NAA16: variants seen among roughly 807,000 people sequenced by gnomAD.
The protein encoded by NAA16 is N-alpha-acetyltransferase 16, NatA auxiliary subunit, also known as NARG1-like protein.
Under a neutral mutation model 110.3 loss-of-function variants are expected in NAA16, and 97 were observed. The ratio of observed to expected loss-of-function variants is 0.88; its 90% confidence interval spans 0.75 to 1.04. NAA16 has a LOEUF of 1.04. Ranked by LOEUF, NAA16 falls within the 50% of genes least tolerant of loss-of-function variation. The pLI, the probability that NAA16 is intolerant of heterozygous loss-of-function variation, is 0.00. For missense variants in NAA16, 1,017 were observed against 1,005.1 expected (o/e 1.01, Z -0.16); for synonymous variants, 372 against 330.6 (o/e 1.13, Z -1.36).
rs774311872 is a variant in NAA16 at position 41,323,215 on chromosome 13, A to G, written c.537+25A>G. On this transcript the variant is annotated intron_variant, in intron 5 of 19. Coordinates refer to ENST00000379406, the MANE Select transcript of NAA16 (RefSeq NM_024561.5). ...AGTAAGAATTTTAATGTTTCCTTCTACCTTCATAAATGGAGTAGTTGACTT... is the reference window on the plus strand; with the variant it reads ...AGTAAGAATTTTAATGTTTCCTTCTGCCTTCATAAATGGAGTAGTTGACTT... The G allele has an allele frequency of 1.9e-6, 3 of 1,610,090 alleles. No homozygotes were observed. In the Admixed American group the frequency reaches 5.0e-5, roughly 27 times the overall value.
At chr13:41,362,442 A>C in intron 13 of NAA16, 1 of 344,744 alleles carries the variant, frequency 2.9e-6, no homozygotes, top group Non-Finnish European at 5.4e-6. Context: ...ATGTTCCCTA[A>C]TTAGGCCATT....
Position 41,365,456 on chromosome 13 carries a change from A to G in NAA16, c.1540-1983A>G, listed in dbSNP as rs2043189988. Among the ~76,000 whole-genome samples, 2 of 152,194 alleles carry G rather than the reference A, an allele frequency of 1.3e-5. 1 individual carries two copies. The highest frequency in any genetic ancestry group is 4.1e-4 in the South Asian group (2 of 4,830). On this transcript the variant is annotated intron_variant, in intron 13 of 19. Coordinates refer to ENST00000379406, the MANE Select transcript of NAA16 (RefSeq NM_024561.5). ...AACCCAAAACAAAAAGTTAAAAAAA[A>G]ATTCAACCCGAGATTATTTAGTTGT...
intron 4 of NAA16, among the ~76,000 whole-genome samples, chr13:41,322,106 A>G (rs900767833): frequency 6.6e-6 from 1 of 152,158 alleles, no homozygotes; most frequent in African/African-American, 2.4e-5. Flanking sequence ...AAAGAGAGCT[A>G]GGCTTGGTAT....
intron 9 of NAA16, among the ~76,000 whole-genome samples, chr13:41,342,314 GT>G (rs990823531): frequency 6.6e-6 from 1 of 151,760 alleles, no homozygotes; most frequent in African/African-American, 2.4e-5. Context: ...ATTTTTTGTA[GT>G]TTAGTAGAGA....
chr13:41,344,826 CAATGT>C (rs1390867065), intron 9 of NAA16, among the ~76,000 whole-genome samples: 2 of 152,178 alleles, frequency 1.3e-5, no homozygotes, highest in African/African-American at 2.4e-5. Flanking sequence ...ATCATCACTG[CAATGT>C]AATGTTTTGT....
At chr13:41,318,716 C>A in intron 2 of NAA16, 90 bp from the exon 3 acceptor site, 1 of 515,344 alleles carries the variant, frequency 1.9e-6, no homozygotes, top group Non-Finnish European at 3.1e-6. Flanking sequence ...CCATAGTAAT[C>A]CTTCAGATCT....
chr13:41,328,651 T>G, intron 6 of NAA16, 73 bp from the exon 7 acceptor site: 1 of 1,258,122 alleles, frequency 7.9e-7, no homozygotes, highest in Non-Finnish European at 1.1e-6. Context: ...TCACTGATAA[T>G]GTTTAGTGAA....
chr13:41,323,654 T>A (rs2042008301), intron 5 of NAA16, among the ~76,000 whole-genome samples: 1 of 136,678 alleles, frequency 7.3e-6, no homozygotes, highest in African/African-American at 2.5e-5. Flanking sequence ...GCCCGGCCAT[T>A]TTTTTTTTTT....
intron 17 of NAA16, chr13:41,373,375 A>C (rs1376024418): frequency 3.4e-6 from 1 of 293,332 alleles, no homozygotes; most frequent in African/African-American, 2.3e-5. Flanking sequence ...CTCCTGACTC[A>C]GCCTCTTGAG....
intron 10 of NAA16, among the ~76,000 whole-genome samples, chr13:41,355,959 T>C (rs1379706350): frequency 6.6e-6 from 1 of 152,216 alleles, no homozygotes; most frequent in African/African-American, 2.4e-5. Flanking sequence ...TTTTCAGTCA[T>C]GCACAAAGTA....
At position 41,375,430 on chromosome 13, in the gene NAA16, T is replaced by G. The variant is rs2043410170; in HGVS notation, c.2423T>G (p.Leu808Arg). 6.2e-7 allele frequency: 1 copy of G among 1,613,634 alleles called. No individual in the cohort carries two copies. The highest frequency in any genetic ancestry group is 8.5e-7 in the Non-Finnish European group (1 of 1,179,728). Residue 808 changes from leucine (L) to arginine (R), a missense_variant, in exon 20 of 20, where the codon CTG becomes CGG. Physicochemically the swap from Leu to Arg is moderately radical, Grantham distance 102. Transcript: ENST00000379406. ...ACATTAATAAAGGTTTCTGAAGCACTGCTTGATGGCAGCTTTGGGAACTGT... is the reference window on the plus strand; with the variant it reads ...ACATTAATAAAGGTTTCTGAAGCACGGCTTGATGGCAGCTTTGGGAACTGT... Reference protein sequence around the residue: ...VKTLIKVSEALLDGSFGNCSS... With the variant: ...VKTLIKVSEARLDGSFGNCSS...
chr13:41,321,989 A>G, intron 4 of NAA16, among the ~76,000 whole-genome samples: 1 of 152,192 alleles, frequency 6.6e-6, no homozygotes, highest in East Asian at 1.9e-4. Flanking sequence ...TTAGCAGCTT[A>G]GATGTGGTTG....
intron 16 of NAA16, 113 bp downstream of exon 16, chr13:41,372,424 C>G: frequency 7.3e-7 from 1 of 1,361,624 alleles, no homozygotes. Flanking sequence ...TAGCCTTCTA[C>G]AAAGGCTCTT....
At chr13:41,343,238 G>A (rs902494377) in intron 9 of NAA16, among the ~76,000 whole-genome samples, 5 of 146,348 alleles carry the variant, frequency 3.4e-5, no homozygotes, top group Admixed American at 1.4e-4. Flanking sequence ...TTGAGTAGAC[G>A]CGTGCCACGA....
intron 9 of NAA16, among the ~76,000 whole-genome samples, chr13:41,340,933 C>T (rs1341055392): frequency 6.6e-6 from 1 of 152,148 alleles, no homozygotes; most frequent in Non-Finnish European, 1.5e-5. Flanking sequence ...TCCCAAAGTG[C>T]TGGGATTACA....
intron 8 of NAA16, among the ~76,000 whole-genome samples, chr13:41,334,716 A>C (rs2042331258): frequency 6.6e-6 from 1 of 152,196 alleles, no homozygotes. Flanking sequence ...CTTCTTGTTT[A>C]GGTGATGTAT....
At chr13:41,332,997 TCC>T (rs2042281140) in intron 8 of NAA16, among the ~76,000 whole-genome samples, 1 of 152,190 alleles carries the variant, frequency 6.6e-6, no homozygotes, top group Non-Finnish European at 1.5e-5. Context: ...GAACATTAAG[TCC>T]AAGTGGATAT....
chr13:41,314,184 G>A (rs1240390474), intron 1 of NAA16, among the ~76,000 whole-genome samples: 4 of 152,070 alleles, frequency 2.6e-5, no homozygotes, highest in African/African-American at 9.7e-5. Flanking sequence ...AAGCTGTCAT[G>A]GGATGAAGGA....
At chr13:41,359,023 C>A in intron 12 of NAA16, 61 bp downstream of exon 12, 1 of 1,407,868 alleles carries the variant, frequency 7.1e-7, no homozygotes, top group South Asian at 1.6e-5. Context: ...TGAAGTTTGT[C>A]TAAATTAAGA....
Sources: gnomAD v4.1 joint callset for allele counts (sites outside exome capture counted in the v4.1 genomes callset) on GRCh38, gnomAD v4.1.1 for gene constraint, MANE v1.5 for transcripts, NCBI Gene and HGNC (gene_info 2026-07-23, HGNC 2026-07-21) for gene names.